Variants in UTRN observed in about 807,000 individuals in gnomAD.
UTRN encodes the protein utrophin.
A neutral mutation model predicts 463.9 loss-of-function variants in UTRN; 283 were observed. That is an observed-to-expected ratio of 0.61 (90% CI 0.55 to 0.67). The LOEUF is 0.67. Among genes scored for constraint, UTRN ranks in the 30% least tolerant of loss-of-function variants. UTRN has a pLI of 0.00. For missense variants in UTRN, 3,922 were observed against 4,084.3 expected (o/e 0.96, Z 1.08); for synonymous variants, 1,442 against 1,431.5 (o/e 1.01, Z -0.17).
At chr6:144,434,936 TATC>T (rs989765609) in intron 9 of UTRN, among the ~76,000 whole-genome samples, 6 of 152,160 alleles carry the variant, frequency 3.9e-5, no homozygotes, top group Non-Finnish European at 7.3e-5. Context: ...TGAGCACAGT[TATC>T]ATCAAAAATA....
At position 144,458,755 on chromosome 6, in the gene UTRN, T is replaced by C. The variant is rs1226532819; in HGVS notation, c.2285-15T>C. 3.2e-6 allele frequency: 5 copies of C among 1,565,654 alleles called. No individual in the cohort carries two copies. The highest frequency in any genetic ancestry group is 4.0e-5 in the Admixed American group (2 of 49,858). On this transcript the variant is annotated splice_polypyrimidine_tract_variant and intron_variant, in intron 19 of 74. Transcript: ENST00000367545. Reference sequence around the variant, plus strand: ...TAATATATAGACTGTTTGCTTGTTTTTCATGTCTGCATAGAAGGCCTTCCT... The same window carrying C: ...TAATATATAGACTGTTTGCTTGTTTCTCATGTCTGCATAGAAGGCCTTCCT...
intron 51 of UTRN, among the ~76,000 whole-genome samples, chr6:144,676,281 C>G (rs892873503): frequency 1.3e-5 from 2 of 152,088 alleles, no homozygotes; most frequent in Non-Finnish European, 2.9e-5. Flanking sequence ...TTGTTATTTA[C>G]ATGCCAAATA....
rs774944115 is a variant in UTRN, at chr6:144,436,119, A to G, written c.1040A>G (p.Asp347Gly). Reference sequence around the variant, plus strand: ...TCTGATGATGTTGAAGAAGTCAAAGACCAGTTTGCAACCCATGAAGTAAAT... The same window carrying G: ...TCTGATGATGTTGAAGAAGTCAAAGGCCAGTTTGCAACCCATGAAGTAAAT... Reference protein sequence around the residue: ...DISDDVEEVKDQFATHEAFMM... With the variant: ...DISDDVEEVKGQFATHEAFMM... Residue 347 changes from aspartate to glycine, a missense_variant, in exon 10 of 75, where the codon GAC becomes GGC. By Grantham distance (94) the Asp-to-Gly change is moderately conservative (BLOSUM62 -1). Around this residue, in one of 3 missense-constraint regions of UTRN, gnomAD observed 2,349 missense variants for 2,303.8 expected, o/e 1.02. Transcript: ENST00000367545. The G allele has an allele frequency of 8.1e-6, 13 of 1,613,888 alleles. No homozygotes were observed. In the South Asian group the frequency reaches 1.4e-4, roughly 18 times the overall value.
At chr6:144,498,363 C>A (rs1793856363) in intron 33 of UTRN, among the ~76,000 whole-genome samples, 1 of 152,158 alleles carries the variant, frequency 6.6e-6, no homozygotes. Flanking sequence ...GTATTAAGAG[C>A]TTGGTAAATG....
intron 73 of UTRN, among the ~76,000 whole-genome samples, chr6:144,841,453 T>C (rs1781569545): frequency 6.6e-6 from 1 of 152,184 alleles, no homozygotes; most frequent in Non-Finnish European, 1.5e-5. Flanking sequence ...CTGGGGAAAT[T>C]ATATAATAAT....
At chr6:144,388,762 A>G (rs191554241) in intron 2 of UTRN, among the ~76,000 whole-genome samples, 1 of 152,268 alleles carries the variant, frequency 6.6e-6, no homozygotes, top group Non-Finnish European at 1.5e-5. Flanking sequence ...TGGGCCTCCC[A>G]AAGTGCTGGG....
At chr6:144,623,641 C>A (rs968392963) in intron 51 of UTRN, among the ~76,000 whole-genome samples, 36 of 152,088 alleles carry the variant, frequency 2.4e-4, no homozygotes, top group African/African-American at 7.5e-4. Flanking sequence ...GTAAAAATGT[C>A]TTAGAGCTTT....
In UTRN at chr6:144,748,740, A is replaced by C. The variant is rs1271658145; in HGVS notation, c.8208+226A>C. ...AACAACTAATGCAACTTTTATGATA[A>C]TTTACATTTATTTTTATTTTTTATC... On this transcript the variant is annotated intron_variant, in intron 55 of 74. Coordinates refer to ENST00000367545, the MANE Select transcript of UTRN (RefSeq NM_007124.3). 2.6e-5 allele frequency among the ~76,000 whole-genome samples: 4 copies of C among 152,288 alleles called. No homozygotes were observed. In the East Asian group the frequency reaches 7.7e-4, roughly 29 times the overall value.
intron 58 of UTRN, among the ~76,000 whole-genome samples, chr6:144,766,061 G>A (rs1562880682): frequency 6.6e-6 from 1 of 151,332 alleles, no homozygotes; most frequent in Non-Finnish European, 1.5e-5. Context: ...TATTCCTGCA[G>A]CTTTCTCACC....
intron 25 of UTRN, among the ~76,000 whole-genome samples, chr6:144,476,045 C>G (rs911752729): frequency 2.6e-5 from 4 of 151,190 alleles, no homozygotes; most frequent in African/African-American, 9.7e-5. Flanking sequence ...CACTGCACTC[C>G]AGCCTGGGCG....
At chr6:144,616,936 G>A (rs1026009376) in intron 51 of UTRN, among the ~76,000 whole-genome samples, 4 of 152,152 alleles carry the variant, frequency 2.6e-5, no homozygotes, top group Admixed American at 2.6e-4. Context: ...ACTATTTGTG[G>A]CCTTTATTGA....
At chr6:144,819,464 G>A (rs182790089) in intron 65 of UTRN, among the ~76,000 whole-genome samples, 89 of 152,178 alleles carry the variant, frequency 5.8e-4, no homozygotes, top group Admixed American at 5.6e-3. Context: ...GGAATCTGAG[G>A]CAGGTGAATC....
At chr6:144,824,541 C>A (rs11155379) in intron 66 of UTRN, among the ~76,000 whole-genome samples, 28 of 80,856 alleles carry the variant, frequency 3.5e-4, no homozygotes, top group East Asian at 1.4e-3. Flanking sequence ...AAATATAATA[C>A]ATATGTATAT....
intron 68 of UTRN, among the ~76,000 whole-genome samples, chr6:144,828,505 A>G (rs1358579144): frequency 6.6e-6 from 1 of 152,178 alleles, no homozygotes; most frequent in Non-Finnish European, 1.5e-5. Context: ...ATGTAGACCA[A>G]CTAGAGGGTT....
At position 144,447,652 on chromosome 6, in the gene UTRN, T is replaced by G. The variant is rs750368398; in HGVS notation, c.1773T>G (p.Ser591Arg). ...AGCGTCAAACATTGGATCAGCTGAGTGAGATTGGCCAGGATGTGGGACAAT... is the reference window on the plus strand; with the variant it reads ...AGCGTCAAACATTGGATCAGCTGAGGGAGATTGGCCAGGATGTGGGACAAT... ...EMKRQTLDQL[S>R]EIGQDVGQLL... is the part of the protein sequence containing the mutation. The change falls in exon 16 of 75, where the codon AGT (serine) becomes AGG (arginine). Residue 591 changes from serine to arginine, a missense_variant. Coordinates refer to ENST00000367545, the MANE Select transcript of UTRN (RefSeq NM_007124.3). 27 of 1,613,620 alleles carry G rather than the reference T, an allele frequency of 1.7e-5. No individual in the cohort carries two copies. The highest frequency in any genetic ancestry group is 2.3e-5 in the Non-Finnish European group (27 of 1,179,824).
chr6:144,342,450 G>T (rs1436599029), intron 2 of UTRN, among the ~76,000 whole-genome samples: 3 of 151,834 alleles, frequency 2.0e-5, no homozygotes, highest in Non-Finnish European at 2.9e-5. Context: ...CAGAATTATT[G>T]ATATTAGCTG....
At chr6:144,720,016 T>A (rs368295658) in intron 53 of UTRN, among the ~76,000 whole-genome samples, 31 of 152,254 alleles carry the variant, frequency 2.0e-4, no homozygotes, top group African/African-American at 6.8e-4. Context: ...TCTCTGTTCT[T>A]AGCTCAGTCC....
chr6:144,682,251 G>A (rs1019766846), intron 52 of UTRN, among the ~76,000 whole-genome samples: 2 of 152,062 alleles, frequency 1.3e-5, no homozygotes, highest in East Asian at 3.9e-4. Context: ...AATAGTCAAT[G>A]TTTGTCTTTC....
intron 58 of UTRN, among the ~76,000 whole-genome samples, chr6:144,770,959 T>C (rs904300282): frequency 6.6e-6 from 1 of 152,142 alleles, no homozygotes; most frequent in Admixed American, 6.5e-5. Flanking sequence ...CTGTAGATTG[T>C]GGGATGATGT....
Sources: gnomAD v4.1 joint callset for allele counts (sites outside exome capture counted in the v4.1 genomes callset) on GRCh38, gnomAD v4.1.1 for gene constraint, gnomAD v4.1.1 regional missense constraint, MANE v1.5 for transcripts, NCBI Gene and HGNC (gene_info 2026-07-23, HGNC 2026-07-21) for gene names.